TRMT11: variants seen among roughly 807,000 people sequenced by gnomAD.
TRMT11 encodes the protein tRNA (guanine(10)-N(2))-methyltransferase TRMT11.
Under a neutral mutation model 62.8 loss-of-function variants are expected in TRMT11, and 53 were observed. The observed-to-expected ratio is 0.84, with a 90% CI of 0.68 to 1.06. TRMT11 has a LOEUF of 1.06. Among genes scored for constraint, TRMT11 ranks in the 50% least tolerant of loss-of-function variants. The pLI is 0.00. For synonymous variants in TRMT11, 188 were observed against 190.3 expected (o/e 0.99, Z 0.10); for missense variants, 556 against 553.4 (o/e 1.00, Z -0.05).
chr6:126,033,049 CA>C (rs1284104702), intron 12 of TRMT11, among the ~76,000 whole-genome samples: 1 of 152,108 alleles, frequency 6.6e-6, no homozygotes, highest in Non-Finnish European at 1.5e-5. Context: ...ACCAATAAAG[CA>C]GCTGAATTGA....
intron 1 of TRMT11, among the ~76,000 whole-genome samples, chr6:126,193,490 AT>A (rs60064329): frequency 0.085 from 6,241 of 73,336 alleles, 134 homozygotes; most frequent in East Asian, 0.34. Flanking sequence ...GCGTTTCTGT[AT>A]TTTTTTTTTT....
intron 21 of TRMT11, among the ~76,000 whole-genome samples, chr6:126,167,698 T>C (rs766204349): frequency 1.2e-4 from 19 of 152,248 alleles, no homozygotes; most frequent in African/African-American, 4.6e-4. Context: ...GGTGTGTGTC[T>C]GTATTTGTGC....
At chr6:126,056,195 T>C (rs1776369798) in intron 17 of TRMT11, among the ~76,000 whole-genome samples, 1 of 152,212 alleles carries the variant, frequency 6.6e-6, no homozygotes, top group Admixed American at 6.5e-5. Flanking sequence ...TGAGAACTAT[T>C]GGGATGATTT....
Position 126,137,681 on chromosome 6 carries a change from A to G in TRMT11, c.*1823+21826A>G, listed in dbSNP as rs140158861. Reference sequence around the variant, plus strand: ...ATATCTGCAGTTTCACGTTTATTGCAGTAGTATTTGCAATAGCCAAGATAT... The same window carrying G: ...ATATCTGCAGTTTCACGTTTATTGCGGTAGTATTTGCAATAGCCAAGATAT... On this transcript the variant is annotated intron_variant and NMD_transcript_variant, in intron 21 of 22. Coordinates refer to the TRMT11 transcript ENST00000648977. 9.8e-3 allele frequency among the ~76,000 whole-genome samples: 1,485 copies of G among 152,066 alleles called. 15 individuals carry two copies. Among genetic ancestry groups the G allele is most frequent in the African/African-American group, 0.034 (1,427 of 41,552 alleles).
intron 21 of TRMT11, among the ~76,000 whole-genome samples, chr6:126,120,186 A>G (rs1489942720): frequency 6.6e-6 from 1 of 152,140 alleles, no homozygotes; most frequent in East Asian, 1.9e-4. Flanking sequence ...GAGGCAGGAG[A>G]ATCACGTGAA....
chr6:126,008,904 G>T (rs1251146341), intron 8 of TRMT11, among the ~76,000 whole-genome samples: 1 of 151,776 alleles, frequency 6.6e-6, no homozygotes, highest in Non-Finnish European at 1.5e-5. Flanking sequence ...ATACAAAATT[G>T]TGATATAATT....
intron 5 of TRMT11, 42 bp downstream of exon 5, chr6:125,998,357 C>T (rs1791946933): frequency 7.3e-7 from 1 of 1,376,236 alleles, no homozygotes; most frequent in Admixed American, 1.9e-5. Flanking sequence ...ATGATGAATG[C>T]AGTCTGGCCA....
rs377151003 is a variant in TRMT11 at position 125,998,647 on chromosome 6, T to C, written c.485T>C (p.Ile162Thr). ...LEDYGLDPNCIPENPHNIYFG... is the reference protein window; with the variant it reads ...LEDYGLDPNCTPENPHNIYFG... ...GATTATGGTTTAGACCCAAACTGCA[T>C]CCCTGAGAATCCACATAATATTTAT... Residue 162 changes from isoleucine to threonine, a missense_variant, in exon 6 of 13, where the codon ATC becomes ACC. Ile to Thr is a moderately conservative substitution (Grantham distance 89). Transcript: ENST00000334379. The C allele has an allele frequency of 9.3e-6, 15 of 1,613,180 alleles. No homozygotes were observed. Among genetic ancestry groups the C allele is most frequent in the Non-Finnish European group, 1.3e-5 (15 of 1,179,624 alleles).
chr6:126,117,744 C>T (rs959995098), intron 21 of TRMT11, among the ~76,000 whole-genome samples: 2 of 151,900 alleles, frequency 1.3e-5, no homozygotes, highest in African/African-American at 2.4e-5. Flanking sequence ...GCAATAAAGC[C>T]CTTCAAAAAT....
intron 1 of TRMT11, among the ~76,000 whole-genome samples, chr6:126,191,937 G>T (rs1181501710): frequency 6.6e-6 from 1 of 151,934 alleles, no homozygotes; most frequent in Non-Finnish European, 1.5e-5. Context: ...TTCTTCTGTG[G>T]TTCTGTACTG....
intron 21 of TRMT11, among the ~76,000 whole-genome samples, chr6:126,133,616 T>G (rs1318218338): frequency 6.6e-6 from 1 of 151,992 alleles, no homozygotes; most frequent in Non-Finnish European, 1.5e-5. Flanking sequence ...TCTAGGGAAT[T>G]TATTAGACAA....
At chr6:126,052,282 G>C (rs1776241793) in intron 16 of TRMT11, among the ~76,000 whole-genome samples, 1 of 152,130 alleles carries the variant, frequency 6.6e-6, no homozygotes, top group Non-Finnish European at 1.5e-5. Context: ...AGAAAAACCT[G>C]CTAAAGAAAT....
chr6:126,019,171 C>T (rs147933625), intron 11 of TRMT11, among the ~76,000 whole-genome samples: 1 of 152,300 alleles, frequency 6.6e-6, no homozygotes, highest in Non-Finnish European at 1.5e-5. Flanking sequence ...TGAGCCACCA[C>T]GCCCAGCTGA....
chr6:126,026,720 G>T (rs572205697), intron 12 of TRMT11, among the ~76,000 whole-genome samples: 74 of 150,212 alleles, frequency 4.9e-4, no homozygotes, highest in African/African-American at 1.7e-3. Flanking sequence ...CATATTACTA[G>T]TTTTTTTTAA....
chr6:126,019,220 G>A (rs768651624), intron 11 of TRMT11, among the ~76,000 whole-genome samples: 1 of 152,072 alleles, frequency 6.6e-6, no homozygotes, highest in Non-Finnish European at 1.5e-5. Flanking sequence ...TTTTTAGTAT[G>A]GTGCTTTGGG....
intron 21 of TRMT11, among the ~76,000 whole-genome samples, chr6:126,129,677 C>T (rs1205160235): frequency 4.0e-5 from 6 of 151,840 alleles, no homozygotes; most frequent in Admixed American, 6.6e-5. Context: ...CATGTGCTAC[C>T]GTGACTGGAT....
At chr6:126,197,616 A>G (rs561699638) in intron 1 of TRMT11, among the ~76,000 whole-genome samples, 2 of 152,276 alleles carry the variant, frequency 1.3e-5, no homozygotes, top group African/African-American at 4.8e-5. Context: ...TATTTTCACT[A>G]CGTATTATAC....
At chr6:126,010,388 A>G (rs1314073027) in intron 8 of TRMT11, among the ~76,000 whole-genome samples, 1 of 151,956 alleles carries the variant, frequency 6.6e-6, no homozygotes, top group Non-Finnish European at 1.5e-5. Flanking sequence ...GCGTCTACCT[A>G]TCTTTGAGCA....
At chr6:126,120,051 A>G (rs1777632346) in intron 21 of TRMT11, among the ~76,000 whole-genome samples, 1 of 152,120 alleles carries the variant, frequency 6.6e-6, no homozygotes, top group Non-Finnish European at 1.5e-5. Context: ...AGGTGGGCCG[A>G]TCATCTGAGG....
Sources: allele counts gnomAD v4.1 joint callset (sites outside exome capture counted in the v4.1 genomes callset), GRCh38; gene constraint gnomAD v4.1.1; transcripts MANE v1.5; gene names NCBI Gene and HGNC (gene_info 2026-07-23, HGNC 2026-07-21).